Variants in LMLN observed in about 807,000 individuals in gnomAD.
LMLN encodes leishmanolysin like peptidase, also known as leishmanolysin-like peptidase.
A neutral mutation model predicts 92.3 loss-of-function variants in LMLN; 70 were observed. The ratio of observed to expected loss-of-function variants is 0.76; its 90% CI spans 0.63 to 0.92. The LOEUF is 0.92. LMLN is among the 40% of genes least tolerant of loss of function. LMLN has a pLI of 0.00. For synonymous variants in LMLN, 308 were observed against 296.2 expected (o/e 1.04, Z -0.41); for missense variants, 691 against 814.6 (o/e 0.85, Z 1.85).
intron 11 of LMLN, among the ~76,000 whole-genome samples, chr3:198,008,679 A>G (rs890549547): frequency 6.6e-6 from 1 of 152,222 alleles, no homozygotes; most frequent in Admixed American, 6.5e-5. Context: ...GTGAGCTATG[A>G]CTGCACCACT....
chr3:197,997,809 C>T (rs1418321835), intron 10 of LMLN, among the ~76,000 whole-genome samples: 1 of 152,204 alleles, frequency 6.6e-6, no homozygotes, highest in African/African-American at 2.4e-5. Context: ...AAACTGTATA[C>T]TTGGATCTAC....
At chr3:197,984,101 A>G (rs1380776021) in intron 7 of LMLN, 53 bp downstream of exon 7, 2 of 1,161,544 alleles carry the variant, frequency 1.7e-6, no homozygotes, top group East Asian at 2.3e-5. Context: ...TCTGCTTAGT[A>G]TGTTCTCATT....
chr3:198,013,654 C>T (rs1414786950), intron 11 of LMLN, among the ~76,000 whole-genome samples: 2 of 129,578 alleles, frequency 1.5e-5, no homozygotes, highest in Non-Finnish European at 1.6e-5. Context: ...CTCCACCCTT[C>T]AGAGCCCCCT....
intron 12 of LMLN, 82 bp from the exon 14 acceptor site, chr3:198,021,364 T>C: frequency 8.4e-7 from 1 of 1,185,568 alleles, no homozygotes; most frequent in Non-Finnish European, 1.2e-6. Flanking sequence ...CATTAAAGGG[T>C]TGCGAGAAAT....
At chr3:198,034,234 G>T (rs1723151266) in intron 14 of LMLN, among the ~76,000 whole-genome samples, 1 of 152,224 alleles carries the variant, frequency 6.6e-6, no homozygotes, top group Admixed American at 6.5e-5. Flanking sequence ...CAAGAGAGAA[G>T]TTTCAGAAGT....
exon 16 of LMLN, chr3:198,040,857 T>C (rs111383363): frequency 1.7e-5 from 2 of 119,266 alleles, no homozygotes; most frequent in African/African-American, 6.5e-5. Context: ...ACTCCTCCTA[T>C]TCCTCCATGG....
intron 12 of LMLN, among the ~76,000 whole-genome samples, chr3:198,020,257 A>G (rs1412651341): frequency 6.6e-6 from 1 of 152,130 alleles, no homozygotes; most frequent in African/African-American, 2.4e-5. Context: ...CAGCCTCCCA[A>G]AGTGTTGGGA....
chr3:198,017,741 A>G (rs1031341997), intron 11 of LMLN, among the ~76,000 whole-genome samples: 1 of 152,074 alleles, frequency 6.6e-6, no homozygotes, highest in African/African-American at 2.4e-5. Context: ...AGATGATGAA[A>G]CCTGGTCTCT....
intron 5 of LMLN, among the ~76,000 whole-genome samples, chr3:197,978,358 G>A (rs78559784): frequency 1.5e-3 from 233 of 152,158 alleles, no homozygotes; most frequent in African/African-American, 5.1e-3. Context: ...AATTTAGGCC[G>A]GGCACAGTAG....
At chr3:198,030,159 A>T (rs1466156251) in intron 14 of LMLN, among the ~76,000 whole-genome samples, 3 of 152,088 alleles carry the variant, frequency 2.0e-5, no homozygotes, top group Non-Finnish European at 4.4e-5. Flanking sequence ...TTTTATTTTT[A>T]AAAAGCTTAT....
At chr3:197,977,664 A>G (rs1044687516) in intron 5 of LMLN, among the ~76,000 whole-genome samples, 4 of 151,870 alleles carry the variant, frequency 2.6e-5, no homozygotes, top group Non-Finnish European at 5.9e-5. Context: ...ATCATCAAAC[A>G]ATCTGGAAGT....
intron 9 of LMLN, among the ~76,000 whole-genome samples, chr3:197,994,970 A>T (rs534530820): frequency 7.9e-5 from 12 of 152,354 alleles, no homozygotes; most frequent in African/African-American, 2.6e-4. Flanking sequence ...CCATCAGCAG[A>T]TGAGTGGGTA....
At position 198,031,373 on chromosome 3, in the gene LMLN, G is replaced by A. The variant is rs1261613005; in HGVS notation, c.1657-4460G>A. ...GAAGGGTATTATTCATGTGGGAGTTGTGTCTTCTGCTTTCAGGAGGAAGGG... is the reference window on the plus strand; with the variant it reads ...GAAGGGTATTATTCATGTGGGAGTTATGTCTTCTGCTTTCAGGAGGAAGGG... On this transcript the variant is annotated intron_variant, in intron 14 of 15. Transcript: ENST00000330198. This position sits in a 1 kb window ranked among gnomAD's most constrained non-coding sequence, Gnocchi z 4.8. Among the ~76,000 whole-genome samples, 3 of 152,190 alleles carry A rather than the reference G, an allele frequency of 2.0e-5. No individual in the cohort carries two copies. Among genetic ancestry groups the A allele is most frequent in the Non-Finnish European group, 4.4e-5 (3 of 68,034 alleles).
intron 11 of LMLN, among the ~76,000 whole-genome samples, chr3:198,015,016 C>G (rs1475024775): frequency 1.3e-4 from 18 of 142,762 alleles, no homozygotes; most frequent in Non-Finnish European, 9.2e-5. Context: ...TGACTTCTCT[C>G]CACCCTTCAG....
chr3:197,960,781 A>T (rs1237647847), intron 1 of LMLN, among the ~76,000 whole-genome samples: 1 of 152,052 alleles, frequency 6.6e-6, no homozygotes, highest in Non-Finnish European at 1.5e-5. Flanking sequence ...TAGGTCTGGG[A>T]TGAGTCCCCA....
chr3:197,980,498 T>C, exon 6 of LMLN: 2 of 1,612,630 alleles, frequency 1.2e-6, no homozygotes, highest in Non-Finnish European at 1.7e-6. Context: ...GAAGCAAACA[T>C]GGACAGGTAA....
intron 11 of LMLN, among the ~76,000 whole-genome samples, chr3:198,001,449 C>G (rs1722170458): frequency 6.6e-6 from 1 of 152,166 alleles, no homozygotes; most frequent in Non-Finnish European, 1.5e-5. Flanking sequence ...TCGACATGTA[C>G]CTTCACAAAG....
chr3:198,016,749 T>C (rs561232268), intron 11 of LMLN, among the ~76,000 whole-genome samples: 1 of 152,208 alleles, frequency 6.6e-6, no homozygotes, highest in Non-Finnish European at 1.5e-5. Context: ...TCTACTTCTT[T>C]ATTCTTAAAA....
At chr3:197,967,898 A>G (rs1237617293) in intron 1 of LMLN, among the ~76,000 whole-genome samples, 1 of 152,168 alleles carries the variant, frequency 6.6e-6, no homozygotes, top group Non-Finnish European at 1.5e-5. Flanking sequence ...CTACTTGCAC[A>G]TCCATTTATA....
Sources: allele counts gnomAD v4.1 joint callset (sites outside exome capture counted in the v4.1 genomes callset), GRCh38; gene constraint gnomAD v4.1.1; non-coding constraint Gnocchi (gnomAD v3.1); transcripts MANE v1.5; gene names NCBI Gene and HGNC (gene_info 2026-07-23, HGNC 2026-07-21).